Variants in SLC3A1 observed in about 807,000 individuals in gnomAD.
SLC3A1 encodes solute carrier family 3 member 1, also known as amino acid transporter heavy chain SLC3A1.
In SLC3A1, 78 loss-of-function variants were observed where a neutral mutation model predicts 60.3. That is an observed-to-expected ratio of 1.29 (90% CI 1.08 to 1.56). SLC3A1 has a LOEUF of 1.56. Ranked by LOEUF, SLC3A1 falls within the 40% of genes most tolerant of loss-of-function variation. The pLI is 0.00. For synonymous variants in SLC3A1, 392 were observed against 307.9 expected (o/e 1.27, Z -2.86); for missense variants, 1,172 against 858.9 (o/e 1.36, Z -4.56).
intron 1 of SLC3A1, among the ~76,000 whole-genome samples, 160 bp downstream of exon 1, chr2:44,276,125 C>T (rs1274541054): frequency 1.3e-5 from 2 of 152,198 alleles, no homozygotes; most frequent in Non-Finnish European, 2.9e-5. Context: ...CTTAGAAAAT[C>T]ACTCAGCAGA....
intron 3 of SLC3A1, among the ~76,000 whole-genome samples, chr2:44,284,256 C>G (rs558753227): frequency 5.3e-5 from 8 of 152,076 alleles, no homozygotes; most frequent in Admixed American, 4.6e-4. Flanking sequence ...ATTTTTGTAT[C>G]TTTAGTAGAG....
chr2:44,292,591 G>C (rs1671763676), intron 4 of SLC3A1, among the ~76,000 whole-genome samples: 1 of 152,138 alleles, frequency 6.6e-6, no homozygotes, highest in Non-Finnish European at 1.5e-5. Flanking sequence ...GACAGTAGGA[G>C]GTAGGAATAC....
chr2:44,317,887 C>T (rs1180480203), intron 9 of SLC3A1: 1 of 218,040 alleles, frequency 4.6e-6, no homozygotes, highest in African/African-American at 2.4e-5. Context: ...GATAAAACCA[C>T]TCAGATAACA....
At position 44,314,048 on chromosome 2, in the gene SLC3A1, G is replaced by C. The variant is rs776481749; in HGVS notation, c.1617+97G>C. The C allele has an allele frequency of 7.6e-6, 12 of 1,582,138 alleles. No homozygotes were observed. The African/African-American group carries it at 1.2e-4, about 16-fold the overall frequency. ...ACCCTGAATGTGTCTAAACCTTAAC[G>C]GATACTCTTTAAATCAATCACAGAC... On this transcript the variant is annotated intron_variant, in intron 9 of 9. Transcript: ENST00000260649.
intron 9 of SLC3A1, chr2:44,314,291 G>C: frequency 1.8e-6 from 1 of 542,498 alleles, no homozygotes. Flanking sequence ...AAAAGGCAGG[G>C]AGAGAGGCGA....
intron 4 of SLC3A1, among the ~76,000 whole-genome samples, chr2:44,299,201 G>C (rs1671936396): frequency 6.6e-6 from 1 of 151,916 alleles, no homozygotes; most frequent in Non-Finnish European, 1.5e-5. Flanking sequence ...ACCATGCCTG[G>C]CTACTTTTTG....
intron 3 of SLC3A1, among the ~76,000 whole-genome samples, chr2:44,283,458 C>G (rs1021204194): frequency 6.6e-6 from 1 of 152,204 alleles, no homozygotes; most frequent in African/African-American, 2.4e-5. Flanking sequence ...AGTTAATCCA[C>G]TCTATAATCC....
At chr2:44,277,534 T>C (rs1001143668) in intron 1 of SLC3A1, among the ~76,000 whole-genome samples, 1 of 152,154 alleles carries the variant, frequency 6.6e-6, no homozygotes, top group Non-Finnish European at 1.5e-5. Flanking sequence ...AATCAGACCA[T>C]GGGCTCCCCA....
chr2:44,305,017 G>C (rs1022494466), intron 7 of SLC3A1, among the ~76,000 whole-genome samples: 3 of 151,626 alleles, frequency 2.0e-5, no homozygotes, highest in African/African-American at 4.9e-5. Context: ...TTTTAGTAGG[G>C]AGGGAGTTTC....
Position 44,278,341 on chromosome 2 carries a change from G to A in SLC3A1, c.431-2375G>A, listed in dbSNP as rs1032120339. On this transcript the variant is annotated intron_variant, in intron 1 of 9. Transcript: ENST00000260649. ...CGGGTGCCTGTATTCCCAGCTATTT[G>A]GGTGGCTGAGGCAGGAGAATGGCGT... Among the ~76,000 whole-genome samples the A allele has an allele frequency of 2.0e-5, 3 of 152,196 alleles. No homozygotes were observed. In the South Asian group the frequency reaches 6.2e-4, roughly 32 times the overall value.
At chr2:44,293,865 C>T (rs1335094817) in intron 4 of SLC3A1, among the ~76,000 whole-genome samples, 1 of 152,166 alleles carries the variant, frequency 6.6e-6, no homozygotes, top group Non-Finnish European at 1.5e-5. Context: ...GCCACAGTTT[C>T]CTCACTGGTA....
At chr2:44,278,156 C>A (rs1318983768) in intron 1 of SLC3A1, among the ~76,000 whole-genome samples, 1 of 152,006 alleles carries the variant, frequency 6.6e-6, no homozygotes, top group Non-Finnish European at 1.5e-5. Flanking sequence ...AAATAAGCAG[C>A]CTGTCAGGCC....
At chr2:44,320,120 CTCCT>C in intron 9 of SLC3A1, 75 bp from the exon 10 acceptor site, 1 of 1,285,248 alleles carries the variant, frequency 7.8e-7, no homozygotes, top group South Asian at 1.4e-5. Context: ...GGGTAAATAA[CTCCT>C]TACAATATAT....
At chr2:44,299,870 T>A (rs1011183029) in intron 4 of SLC3A1, 101 bp from the exon 5 acceptor site, 7 of 1,166,234 alleles carry the variant, frequency 6.0e-6, no homozygotes, top group Non-Finnish European at 9.0e-6. Flanking sequence ...TATGTAGATA[T>A]CTGTTTTATG....
At chr2:44,304,813 A>ATTT (rs70965349) in intron 7 of SLC3A1, among the ~76,000 whole-genome samples, 3,596 of 85,854 alleles carry the variant, frequency 0.042, 477 homozygotes, top group Non-Finnish European at 0.057. Context: ...CTTGAAAACA[A>ATTT]TTTTTTTTTT....
rs574552112 is a variant in SLC3A1 at position 44,286,595 on chromosome 2, G to A, written c.891+438G>A. On this transcript the variant is annotated intron_variant, in intron 4 of 9. Transcript: ENST00000260649. ...CGGTGCCTGTGACGGTGAGCTGTGC[G>A]GTGTCTGTGACGGTGAGCTGTGCGG... Among the ~76,000 whole-genome samples, 3 of 69,962 alleles carry A rather than the reference G, an allele frequency of 4.3e-5. No individual in the cohort carries two copies. The South Asian group carries it at 1.5e-3, about 36-fold the overall frequency. The allele number at this position is 69,962 out of a possible 152,430, so 45.9% of individuals were successfully genotyped here.
intron 7 of SLC3A1, among the ~76,000 whole-genome samples, chr2:44,310,685 G>C (rs1490903984): frequency 6.6e-6 from 1 of 151,248 alleles, no homozygotes; most frequent in Non-Finnish European, 1.5e-5. Context: ...TTGGGAAGTT[G>C]TTGGCTATTT....
intron 4 of SLC3A1, among the ~76,000 whole-genome samples, chr2:44,286,533 ACGGTG>A (rs1671616154): frequency 1.8e-5 from 2 of 109,528 alleles, no homozygotes; most frequent in Non-Finnish European, 4.4e-5. Context: ...GGTGCCTGTG[ACGGTG>A]AGCTGTGCGG....
intron 9 of SLC3A1, chr2:44,318,282 G>C (rs540702103): frequency 1.5e-5 from 4 of 273,812 alleles, no homozygotes; most frequent in Non-Finnish European, 2.9e-5. Context: ...AGTAGAGATG[G>C]TGTTTCACCA....
Sources: allele counts gnomAD v4.1 joint callset (sites outside exome capture counted in the v4.1 genomes callset), GRCh38; gene constraint gnomAD v4.1.1; transcripts MANE v1.5; gene names NCBI Gene and HGNC (gene_info 2026-07-23, HGNC 2026-07-21).